GABRG3: variants seen among roughly 807,000 people sequenced by gnomAD.
The protein encoded by GABRG3 is gamma-aminobutyric acid type A receptor subunit gamma3, also known as gamma-aminobutyric acid receptor subunit gamma-3.
Under a neutral mutation model 48.8 loss-of-function variants are expected in GABRG3, and 25 were observed. The ratio of observed to expected loss-of-function variants is 0.51; its 90% CI spans 0.37 to 0.72. The LOEUF is 0.72. Ranked by LOEUF, GABRG3 falls within the 30% of genes least tolerant of loss-of-function variation. The pLI, the probability that GABRG3 is intolerant of heterozygous loss-of-function variation, is 0.00. For synonymous variants in GABRG3, 227 were observed against 217.6 expected (o/e 1.04, Z -0.38); for missense variants, 394 against 577.9 (o/e 0.68, Z 3.26).
Position 27,015,467 on chromosome 15 carries a change from C to T in GABRG3, c.203-11287C>T, listed in dbSNP as rs868379753. ...TGGCGCAATCTCGGCTCACTGCAAGCTCCGCCTCCCGGGTTCACGCCATTC... is the reference window on the plus strand; with the variant it reads ...TGGCGCAATCTCGGCTCACTGCAAGTTCCGCCTCCCGGGTTCACGCCATTC... On this transcript the variant is annotated intron_variant, in intron 2 of 9. Transcript: ENST00000615808. Among the ~76,000 whole-genome samples the T allele has an allele frequency of 1.2e-3, 175 of 149,788 alleles. 1 individual carries two copies. The highest frequency in any genetic ancestry group is 2.2e-4 in the Non-Finnish European group (15 of 67,758).
chr15:27,243,472 G>C (rs997278151), intron 3 of GABRG3, among the ~76,000 whole-genome samples: 1 of 152,110 alleles, frequency 6.6e-6, no homozygotes, highest in African/African-American at 2.4e-5. Flanking sequence ...AGGGGACGCT[G>C]GAGGCAAACG....
At chr15:27,312,823 A>C (rs1893040917) in intron 3 of GABRG3, among the ~76,000 whole-genome samples, 1 of 152,132 alleles carries the variant, frequency 6.6e-6, no homozygotes, top group Admixed American at 6.6e-5. Flanking sequence ...TTATAACATA[A>C]GAAAATAAAA....
At chr15:27,173,932 A>G (rs906046151) in intron 3 of GABRG3, among the ~76,000 whole-genome samples, 3 of 152,094 alleles carry the variant, frequency 2.0e-5, no homozygotes, top group Non-Finnish European at 4.4e-5. Context: ...ATCAAAGAAA[A>G]CAGTATAATA....
chr15:27,403,929 CAA>C (rs758952317), intron 5 of GABRG3, among the ~76,000 whole-genome samples: 2 of 83,350 alleles, frequency 2.4e-5, no homozygotes, highest in Admixed American at 2.6e-4. Context: ...AAAAAAAAAA[CAA>C]AAAAAAAAAA....
intron 5 of GABRG3, among the ~76,000 whole-genome samples, chr15:27,377,561 G>A (rs890936739): frequency 6.6e-6 from 1 of 152,178 alleles, no homozygotes. Context: ...TGTGCGGGGA[G>A]ACTCCTGTTT....
chr15:27,397,521 C>T (rs1324504553), intron 5 of GABRG3, among the ~76,000 whole-genome samples: 1 of 152,076 alleles, frequency 6.6e-6, no homozygotes, highest in Non-Finnish European at 1.5e-5. Context: ...GTCCATTTTG[C>T]CCCCTTCATG....
intron 5 of GABRG3, among the ~76,000 whole-genome samples, chr15:27,437,562 C>T (rs888351420): frequency 1.3e-5 from 2 of 152,166 alleles, no homozygotes; most frequent in Non-Finnish European, 2.9e-5. Context: ...ATAGAGCACC[C>T]ATTATGTCCT....
At position 27,298,829 on chromosome 15, in the gene GABRG3, C is replaced by T. The variant is rs143971125; in HGVS notation, c.271-27980C>T. ...TTAGGTATTTCTCCTAATGCTATCC[C>T]GCCCCTAGCCCCCCACCCCCCAACA... is the stretch of plus-strand genomic sequence containing the variant. On this transcript the variant is annotated intron_variant, in intron 3 of 9. Transcript: ENST00000615808. 5.1e-3 allele frequency among the ~76,000 whole-genome samples: 774 copies of T among 152,086 alleles called. 3 individuals carry two copies. Among genetic ancestry groups the T allele is most frequent in the African/African-American group, 0.018 (733 of 41,478 alleles).
intron 5 of GABRG3, among the ~76,000 whole-genome samples, chr15:27,355,369 A>C (rs376687436): frequency 5.3e-5 from 8 of 152,254 alleles, no homozygotes; most frequent in African/African-American, 1.7e-4. Context: ...CAATCAGCAC[A>C]AGCAAAAATG....
At chr15:27,028,917 A>G (rs1041467690) in intron 3 of GABRG3, among the ~76,000 whole-genome samples, 1 of 152,012 alleles carries the variant, frequency 6.6e-6, no homozygotes, top group African/African-American at 2.4e-5. Flanking sequence ...ACTTGAAATC[A>G]TGAACTCTGA....
At chr15:27,288,788 C>T (rs531708722) in intron 3 of GABRG3, among the ~76,000 whole-genome samples, 40 of 152,038 alleles carry the variant, frequency 2.6e-4, no homozygotes, top group African/African-American at 9.2e-4. Context: ...TGTACCAGTT[C>T]TGAAGCTCGT....
intron 3 of GABRG3, among the ~76,000 whole-genome samples, chr15:27,120,642 C>G (rs1030136046): frequency 6.6e-6 from 1 of 152,014 alleles, no homozygotes; most frequent in African/African-American, 2.4e-5. Flanking sequence ...TATAGGCGCT[C>G]CTGGACTGGG....
chr15:27,522,543 A>G (rs1006077410), intron 7 of GABRG3, among the ~76,000 whole-genome samples: 2 of 151,888 alleles, frequency 1.3e-5, no homozygotes, highest in African/African-American at 4.8e-5. Flanking sequence ...AGCCATAAAT[A>G]GCAATGAGGT....
At chr15:27,333,203 T>C (rs910723413) in intron 5 of GABRG3, among the ~76,000 whole-genome samples, 1 of 152,210 alleles carries the variant, frequency 6.6e-6, no homozygotes, top group African/African-American at 2.4e-5. Context: ...TTGGTTGTTT[T>C]ATTCATTTCC....
chr15:27,239,609 A>G (rs978177316), intron 3 of GABRG3, among the ~76,000 whole-genome samples: 1 of 152,226 alleles, frequency 6.6e-6, no homozygotes, highest in South Asian at 2.1e-4. Flanking sequence ...GCATTGGTTT[A>G]AATAATAAAC....
chr15:27,471,154 G>A (rs1452965689), intron 5 of GABRG3, among the ~76,000 whole-genome samples: 1 of 152,174 alleles, frequency 6.6e-6, no homozygotes, highest in Non-Finnish European at 1.5e-5. Flanking sequence ...GGGGGTGGGG[G>A]CTAGGGAATG....
At chr15:27,517,611 A>C (rs550568043) in intron 6 of GABRG3, among the ~76,000 whole-genome samples, 256 of 151,882 alleles carry the variant, frequency 1.7e-3, no homozygotes, top group African/African-American at 5.9e-3. Flanking sequence ...AAATGAAATT[A>C]CTCTTTGGAT....
At position 26,981,653 on chromosome 15, in the gene GABRG3, C is replaced by G. The variant is rs560993638; in HGVS notation, c.202+4503C>G. Among the ~76,000 whole-genome samples the G allele has an allele frequency of 3.9e-5, 6 of 152,304 alleles. No homozygotes were observed. The East Asian group carries it at 9.7e-4, about 25-fold the overall frequency. ...TTGGCCAGGAGGGAAGTGGCACATACAATTGCTGGTACAGGCATGCACTGG... is the reference window on the plus strand; with the variant it reads ...TTGGCCAGGAGGGAAGTGGCACATAGAATTGCTGGTACAGGCATGCACTGG... On this transcript the variant is annotated intron_variant, in intron 2 of 9. Transcript: ENST00000615808.
rs1891122290 is a variant in GABRG3, at chr15:27,520,060, T to G, written c.801T>G (p.Thr267=). ...AGACATACATTCCCTGTATACTGACTGTGGTTTTATCCTGGGTGTCATTTT... is the reference window on the plus strand; with the variant it reads ...AGACATACATTCCCTGTATACTGACGGTGGTTTTATCCTGGGTGTCATTTT... ...TIQTYIPCIL[T]VVLSWVSFWI... is the part of the protein sequence containing the mutation. The change falls in exon 7 of 10, where the codon ACT becomes ACG. Residue 267 remains threonine (T), a synonymous_variant. Transcript: ENST00000615808. 6.2e-7 allele frequency: 1 copy of G among 1,602,812 alleles called. No individual in the cohort carries two copies. The highest frequency in any genetic ancestry group is 8.5e-7 in the Non-Finnish European group (1 of 1,173,784).
Sources: allele counts gnomAD v4.1 joint callset (sites outside exome capture counted in the v4.1 genomes callset), GRCh38; gene constraint gnomAD v4.1.1; transcripts MANE v1.5; gene names NCBI Gene and HGNC (gene_info 2026-07-23, HGNC 2026-07-21).